Variants in HDAC9 observed in about 807,000 individuals in gnomAD.
HDAC9 encodes the protein MEF-2 interacting transcription repressor (MITR) protein.
Under a neutral mutation model 139.4 loss-of-function variants are expected in HDAC9, and 41 were observed. The ratio of observed to expected loss-of-function variants is 0.29; its 90% confidence interval spans 0.23 to 0.38. The LOEUF is 0.38. Ranked by LOEUF, HDAC9 falls within the 10% of genes least tolerant of loss-of-function variation. HDAC9 has a pLI of 1.00. For missense variants in HDAC9, 1,147 were observed against 1,297.0 expected (o/e 0.88, Z 1.78); for synonymous variants, 517 against 476.2 (o/e 1.09, Z -1.12).
chr7:18,162,473 A>G, intron 2 of HDAC9: 2 of 867,404 alleles, frequency 2.3e-6, no homozygotes, highest in East Asian at 2.7e-5. Flanking sequence ...AGATTGCTTA[A>G]TGTAACAAAT....
chr7:18,281,510 T>C (rs1797104779), intron 2 of HDAC9, among the ~76,000 whole-genome samples: 2 of 152,222 alleles, frequency 1.3e-5, no homozygotes, highest in African/African-American at 4.8e-5. Flanking sequence ...TCTCTTTCCA[T>C]GTAAAATGTA....
chr7:18,227,240 A>G (rs891763311), intron 2 of HDAC9, among the ~76,000 whole-genome samples: 1 of 152,164 alleles, frequency 6.6e-6, no homozygotes, highest in Non-Finnish European at 1.5e-5. Context: ...AATCCTTCTG[A>G]GTATTTTCTT....
chr7:18,934,432 C>T (rs565304717), intron 22 of HDAC9, among the ~76,000 whole-genome samples: 35 of 152,196 alleles, frequency 2.3e-4, no homozygotes, highest in South Asian at 1.0e-3. Context: ...AAAGATAATA[C>T]ATTATGACCA....
chr7:18,289,612 TG>T (rs1797681103), upstream of HDAC9, among the ~76,000 whole-genome samples: 1 of 152,152 alleles, frequency 6.6e-6, no homozygotes, highest in South Asian at 2.1e-4. Context: ...TTAGATATGG[TG>T]GGAAAGGCAC....
At chr7:18,610,865 G>A (rs1397836397) in intron 6 of HDAC9, among the ~76,000 whole-genome samples, 1 of 152,120 alleles carries the variant, frequency 6.6e-6, no homozygotes, top group Non-Finnish European at 1.5e-5. Flanking sequence ...CTATTCCCAT[G>A]TACACATTGC....
intron 17 of HDAC9, among the ~76,000 whole-genome samples, chr7:18,804,618 G>A (rs927228487): frequency 6.6e-6 from 1 of 152,110 alleles, no homozygotes; most frequent in African/African-American, 2.4e-5. Flanking sequence ...TGAAATACCT[G>A]TGTTGACTCC....
chr7:18,363,852 G>T (rs571174072), intron 1 of HDAC9, among the ~76,000 whole-genome samples: 23 of 152,146 alleles, frequency 1.5e-4, no homozygotes, highest in Admixed American at 1.4e-3. Context: ...CCAATGACTT[G>T]CATTGAAAGG....
chr7:18,270,667 A>C (rs1796297130), intron 2 of HDAC9, among the ~76,000 whole-genome samples: 1 of 152,170 alleles, frequency 6.6e-6, no homozygotes, highest in Non-Finnish European at 1.5e-5. Context: ...TTCTTGGTGA[A>C]AAAAGAGTAG....
intron 1 of HDAC9, among the ~76,000 whole-genome samples, chr7:18,311,714 C>G (rs1799331256): frequency 6.6e-6 from 1 of 152,090 alleles, no homozygotes; most frequent in Non-Finnish European, 1.5e-5. Context: ...AGGGATGAAC[C>G]AAATGGGGAA....
intron 2 of HDAC9, among the ~76,000 whole-genome samples, chr7:18,285,108 G>C (rs1334991436): frequency 6.6e-6 from 1 of 152,032 alleles, no homozygotes; most frequent in African/African-American, 2.4e-5. Context: ...TCACACTCTG[G>C]GCTTTTCTTT....
chr7:18,656,737 T>C (rs1221183816), intron 11 of HDAC9, among the ~76,000 whole-genome samples: 3 of 152,142 alleles, frequency 2.0e-5, no homozygotes, highest in African/African-American at 7.2e-5. Context: ...GACAGTGCTG[T>C]GACAAACATA....
intron 1 of HDAC9, among the ~76,000 whole-genome samples, chr7:18,488,130 T>C (rs1040153610): frequency 6.6e-6 from 1 of 152,062 alleles, no homozygotes; most frequent in African/African-American, 2.4e-5. Flanking sequence ...ATTTTCATAG[T>C]CCTGTAGCTA....
intron 22 of HDAC9, 87 bp downstream of exon 22, chr7:18,874,683 G>A (rs781115499): frequency 1.3e-4 from 95 of 739,820 alleles, no homozygotes; most frequent in Non-Finnish European, 1.6e-4. Context: ...TTTTACATGT[G>A]TCCAGTAAAC....
intron 1 of HDAC9, among the ~76,000 whole-genome samples, chr7:18,123,206 C>G (rs1258034462): frequency 6.6e-6 from 1 of 152,148 alleles, no homozygotes; most frequent in Non-Finnish European, 1.5e-5. Context: ...CAAGAGGTCA[C>G]AACCCCCTTT....
At chr7:18,970,763 C>T (rs1021460547) in intron 24 of HDAC9, among the ~76,000 whole-genome samples, 2 of 151,870 alleles carry the variant, frequency 1.3e-5, no homozygotes, top group South Asian at 4.2e-4. Flanking sequence ...CCTATGAGAA[C>T]CCGGTGTGTA....
At chr7:18,786,486 C>CCTTCA (rs766384933) in intron 16 of HDAC9, among the ~76,000 whole-genome samples, 2 of 32,684 alleles carry the variant, frequency 6.1e-5, no homozygotes, top group African/African-American at 1.4e-4. Flanking sequence ...TCCTTCCTTT[C>CCTTCA]TTCCTTCCTT....
intron 2 of HDAC9, among the ~76,000 whole-genome samples, chr7:18,546,401 G>T (rs1814840641): frequency 6.6e-6 from 1 of 152,082 alleles, no homozygotes; most frequent in South Asian, 2.1e-4. Flanking sequence ...TGTAAACTCG[G>T]AATACGAACT....
At chr7:18,202,349 C>A (rs772125150) in intron 2 of HDAC9, among the ~76,000 whole-genome samples, 19 of 151,962 alleles carry the variant, frequency 1.3e-4, no homozygotes, top group Non-Finnish European at 2.4e-4. Flanking sequence ...TTATGAGAGC[C>A]CAGATAATAT....
chr7:18,710,275 G>A (rs372494340), intron 12 of HDAC9, among the ~76,000 whole-genome samples: 1 of 152,170 alleles, frequency 6.6e-6, no homozygotes, highest in Non-Finnish European at 1.5e-5. Flanking sequence ...TGAGATTTGG[G>A]TGGGGACACA....
Sources: allele counts gnomAD v4.1 joint callset (sites outside exome capture counted in the v4.1 genomes callset), GRCh38; gene constraint gnomAD v4.1.1; transcripts MANE v1.5; gene names NCBI Gene and HGNC (gene_info 2026-07-23, HGNC 2026-07-21).